The following FRY variants were observed in gnomAD, a reference collection of about 807,000 sequenced individuals.
The protein encoded by FRY is protein furry homolog.
Under a neutral mutation model 348.4 loss-of-function variants are expected in FRY, and 128 were observed. The ratio of observed to expected loss-of-function variants is 0.37; its 90% CI spans 0.32 to 0.43. FRY has a LOEUF of 0.43. FRY is among the 20% of genes least tolerant of loss of function. FRY has a pLI of 1.00. For missense variants in FRY, 2,736 were observed against 3,695.2 expected (o/e 0.74, Z 6.73); for synonymous variants, 1,370 against 1,374.7 (o/e 1.00, Z 0.08).
At position 32,236,083 on chromosome 13, in the gene FRY, T is replaced by C; in HGVS notation, c.5721T>C (p.Tyr1907=). The C allele has an allele frequency of 6.2e-7, 1 of 1,611,338 alleles. No individual in the cohort carries two copies. Among genetic ancestry groups the C allele is most frequent in the South Asian group, 1.1e-5 (1 of 91,024 alleles). ...IGEHGDEIQG[Y]VMEALLTLEA... ...TATCTTTGCATGTTTGGCAGGGTTA[T>C]GTAATGGAAGCGCTCCTAACCTTGG... The change falls in exon 43 of 61, where the codon TAT becomes TAC. Residue 1907 remains tyrosine, a synonymous_variant. Transcript: ENST00000542859.
At chr13:32,073,810 C>T (rs935034977) in intron 1 of FRY, among the ~76,000 whole-genome samples, 12 of 152,202 alleles carry the variant, frequency 7.9e-5, no homozygotes, top group African/African-American at 2.9e-4. Context: ...TTTCCTGTAA[C>T]ATCTACGCCA....
In FRY at chr13:32,254,469, A is replaced by G. The variant is rs566386532; in HGVS notation, c.7416+75A>G. The G allele has an allele frequency of 4.7e-6, 6 of 1,289,682 alleles. No homozygotes were observed. In the African/African-American group the frequency reaches 8.6e-5, roughly 19 times the overall value. 79.9% of individuals were successfully genotyped at this position (1,289,682 alleles called of 1,614,324 possible). On this transcript the variant is annotated intron_variant, in intron 51 of 60. Transcript: ENST00000542859. ...AATGAAACTATTCTTTTTACCTGCT[A>G]AATAATGAGTTTTTGTAACAAGATC...
At chr13:32,060,894 C>T (rs923643145) in intron 1 of FRY, 4 of 353,906 alleles carry the variant, frequency 1.1e-5, no homozygotes, top group Admixed American at 3.8e-5. Flanking sequence ...GGACGGAAGG[C>T]CTGTTTTAGT....
Position 32,194,218 on chromosome 13 carries a change from G to T in FRY, c.3667G>T (p.Ala1223Ser). The T allele has an allele frequency of 6.2e-7, 1 of 1,613,956 alleles. No individual in the cohort carries two copies. Among genetic ancestry groups the T allele is most frequent in the Non-Finnish European group, 8.5e-7 (1 of 1,179,844 alleles). ...TGACCAAATAAATCTTTTTAACTGG[G>T]CAATTGACCGATGCTACACAGGTTC... ...NPDQINLFNW[A>S]IDRCYTGSYQ... Residue 1223 changes from alanine to serine, a missense_variant, in exon 29 of 61, where the codon GCA becomes TCA. Physicochemically the swap from Ala to Ser is moderately conservative, Grantham distance 99 (BLOSUM62 1). Around this residue, in one of 9 missense-constraint regions of FRY, gnomAD observed 794 missense variants for 977.0 expected, o/e 0.81. Transcript: ENST00000542859.
At chr13:32,191,562 C>T (rs900214232) in intron 28 of FRY, among the ~76,000 whole-genome samples, 1 of 152,132 alleles carries the variant, frequency 6.6e-6, no homozygotes, top group Non-Finnish European at 1.5e-5. Context: ...TATCTTAGTC[C>T]ATTCAGGCAG....
At chr13:32,114,605 T>G (rs373534030) in intron 3 of FRY, among the ~76,000 whole-genome samples, 3 of 152,222 alleles carry the variant, frequency 2.0e-5, no homozygotes, top group African/African-American at 7.2e-5. Flanking sequence ...TACACAAGTA[T>G]TTTTAAATTA....
intron 1 of FRY, chr13:32,061,198 GC>G (rs1566049540): frequency 3.8e-6 from 2 of 531,344 alleles, no homozygotes; most frequent in African/African-American, 3.8e-5. Context: ...GTGTGGAGTG[GC>G]TAACTGGTTG....
intron 1 of FRY, among the ~76,000 whole-genome samples, chr13:32,072,629 A>G (rs1435579689): frequency 6.7e-6 from 1 of 149,514 alleles, no homozygotes; most frequent in Non-Finnish European, 1.5e-5. Context: ...TTAATGGACA[A>G]TTTGTTATTG....
intron 31 of FRY, among the ~76,000 whole-genome samples, chr13:32,205,638 T>C (rs772071868): frequency 6.6e-6 from 1 of 152,126 alleles, no homozygotes; most frequent in Non-Finnish European, 1.5e-5. Context: ...CAATCTTCCA[T>C]ATGTGCTTTT....
At chr13:32,291,698 G>A (rs937106052) in intron 59 of FRY, among the ~76,000 whole-genome samples, 120 of 152,036 alleles carry the variant, frequency 7.9e-4, no homozygotes, top group African/African-American at 2.8e-3. Context: ...GCCCCGCCAG[G>A]ATTCACCATT....
chr13:32,210,445 C>T (rs562719799), intron 33 of FRY, among the ~76,000 whole-genome samples: 1 of 152,302 alleles, frequency 6.6e-6, no homozygotes, highest in Admixed American at 6.5e-5. Flanking sequence ...ACCATAAAAA[C>T]AGCTAAAACT....
At chr13:32,184,763 CTT>C (rs1251517366) in intron 25 of FRY, 72 bp downstream of exon 25, 1 of 1,056,064 alleles carries the variant, frequency 9.5e-7, no homozygotes. Flanking sequence ...CTGTCTCTCT[CTT>C]TTGTCTTTTC....
chr13:32,244,468 C>T (rs534989774), intron 47 of FRY, among the ~76,000 whole-genome samples: 77 of 152,306 alleles, frequency 5.1e-4, no homozygotes, highest in Non-Finnish European at 8.5e-4. Flanking sequence ...ACTTGGAGGG[C>T]AGAGGCAGAG....
At chr13:32,291,891 T>C (rs894229052) in intron 59 of FRY, 2 of 391,022 alleles carry the variant, frequency 5.1e-6, no homozygotes, top group African/African-American at 4.2e-5. Flanking sequence ...AACCTGAAGA[T>C]GTGACTGAAT....
intron 17 of FRY, among the ~76,000 whole-genome samples, chr13:32,167,708 AACTATT>A (rs1315024900): frequency 1.3e-5 from 2 of 152,204 alleles, no homozygotes; most frequent in Admixed American, 6.5e-5. Flanking sequence ...CTGGTTACTA[AACTATT>A]ACCTGTCCTA....
At chr13:32,129,480 T>C (rs1288268050) in intron 7 of FRY, among the ~76,000 whole-genome samples, 3 of 152,224 alleles carry the variant, frequency 2.0e-5, no homozygotes, top group Non-Finnish European at 4.4e-5. Context: ...CATGAAATTT[T>C]ACTTATAAAG....
intron 46 of FRY, among the ~76,000 whole-genome samples, chr13:32,243,289 TA>T (rs145261314): frequency 0.012 from 1,847 of 152,340 alleles, 36 homozygotes; most frequent in African/African-American, 0.042. Context: ...AGTTTGCTGT[TA>T]ACTTATATAT....
At chr13:32,037,780 A>G (rs1872594399) in intron 1 of FRY, among the ~76,000 whole-genome samples, 1 of 152,210 alleles carries the variant, frequency 6.6e-6, no homozygotes, top group Non-Finnish European at 1.5e-5. Context: ...ATGACTCAGT[A>G]GTTTACTTTT....
intron 58 of FRY, among the ~76,000 whole-genome samples, chr13:32,287,090 A>C (rs1187220397): frequency 1.3e-5 from 2 of 151,146 alleles, no homozygotes; most frequent in South Asian, 2.1e-4. Context: ...GCTTGAACCC[A>C]GGAGGCGGAG....
Sources: gnomAD v4.1 joint callset for allele counts (sites outside exome capture counted in the v4.1 genomes callset) on GRCh38, gnomAD v4.1.1 for gene constraint, gnomAD v4.1.1 regional missense constraint, MANE v1.5 for transcripts, NCBI Gene and HGNC (gene_info 2026-07-23, HGNC 2026-07-21) for gene names.